Variants in IQGAP2 observed in about 807,000 individuals in gnomAD.
IQGAP2 encodes ras GTPase-activating-like protein IQGAP2.
Under a neutral mutation model 201.3 loss-of-function variants are expected in IQGAP2, and 173 were observed. That is an observed-to-expected ratio of 0.86 (90% CI 0.76 to 0.98). IQGAP2 has a LOEUF of 0.98. Ranked by LOEUF, IQGAP2 falls within the 50% of genes least tolerant of loss-of-function variation. The pLI is 0.00. For synonymous variants in IQGAP2, 675 were observed against 673.9 expected, an observed-to-expected ratio of 1.00 and a Z score of -0.03; for missense variants, 1,687 against 1,864.8, an observed-to-expected ratio of 0.90 and a Z score of 1.76.
At chr5:76,657,022 C>A (rs1372060962) in intron 20 of IQGAP2, among the ~76,000 whole-genome samples, 5 of 152,098 alleles carry the variant, frequency 3.3e-5, no homozygotes, top group African/African-American at 1.2e-4. Context: ...TAGGAGCAGA[C>A]TATAAAGTGG....
intron 1 of IQGAP2, among the ~76,000 whole-genome samples, chr5:76,408,756 G>A (rs1361551789): frequency 6.6e-6 from 1 of 151,970 alleles, no homozygotes; most frequent in Non-Finnish European, 1.5e-5. Flanking sequence ...AGTAAGATCT[G>A]CCTGCCCCCC....
intron 27 of IQGAP2, among the ~76,000 whole-genome samples, chr5:76,675,733 A>G (rs921554299): frequency 6.6e-6 from 1 of 152,186 alleles, no homozygotes; most frequent in Non-Finnish European, 1.5e-5. Flanking sequence ...TGAGTGACTT[A>G]CTAGAAAACA....
intron 2 of IQGAP2, among the ~76,000 whole-genome samples, chr5:76,520,244 G>A (rs1241312691): frequency 1.3e-5 from 2 of 152,038 alleles, no homozygotes; most frequent in African/African-American, 2.4e-5. Flanking sequence ...TTTTTTGCCT[G>A]TGGATTTTTA....
rs995544188 is a variant in IQGAP2, at chr5:76,428,132, T to A, written c.46+24541T>A. Among the ~76,000 whole-genome samples, 8 of 152,246 alleles carry A rather than the reference T, an allele frequency of 5.3e-5. No homozygotes were observed. In the South Asian group the frequency reaches 1.5e-3, roughly 28 times the overall value. On this transcript the variant is annotated intron_variant, in intron 1 of 35. Coordinates refer to ENST00000274364, the MANE Select transcript of IQGAP2 (RefSeq NM_006633.5). ...CTATTTGGTGGCTCCCTGGGTGTGG[T>A]TTGAGCAGAGACTCACAGAGGAGCG... is the stretch of plus-strand genomic sequence containing the variant.
At chr5:76,666,589 G>T (rs1190636933) in intron 22 of IQGAP2, among the ~76,000 whole-genome samples, 3 of 152,090 alleles carry the variant, frequency 2.0e-5, no homozygotes, top group Non-Finnish European at 4.4e-5. Flanking sequence ...ACAACCAAAG[G>T]GTGCAACCAT....
At chr5:76,412,391 C>T (rs763357609) in intron 1 of IQGAP2, among the ~76,000 whole-genome samples, 6 of 152,102 alleles carry the variant, frequency 3.9e-5, no homozygotes, top group Non-Finnish European at 5.9e-5. Flanking sequence ...GACTTGAACT[C>T]TTGGGCCCAA....
intron 2 of IQGAP2, among the ~76,000 whole-genome samples, chr5:76,554,235 TAAAAG>T (rs1460916385): frequency 5.9e-5 from 9 of 151,968 alleles, no homozygotes; most frequent in South Asian, 2.1e-4. Context: ...AACTATGAGA[TAAAAG>T]AGAAGAAAAC....
chr5:76,527,818 C>T (rs182400794), intron 2 of IQGAP2, among the ~76,000 whole-genome samples: 75 of 152,196 alleles, frequency 4.9e-4, no homozygotes, highest in African/African-American at 1.6e-3. Flanking sequence ...AGTTATTTAC[C>T]CCTTTCTTCC....
chr5:76,682,686 T>C lies in IQGAP2; in HGVS notation c.3661-429T>C, dbSNP rs567301032. On this transcript the variant is annotated intron_variant, in intron 28 of 35. Transcript: ENST00000274364. ...TCAATGCAAGACAGATTGAAACAGC[T>C]CATAGTAGTGATTAAGAAGAAGATA... 2.6e-5 allele frequency among the ~76,000 whole-genome samples: 4 copies of C among 152,274 alleles called. No homozygotes were observed. The East Asian group carries it at 5.8e-4, about 22-fold the overall frequency.
At chr5:76,405,294 G>A (rs867545281) in intron 1 of IQGAP2, among the ~76,000 whole-genome samples, 8 of 152,224 alleles carry the variant, frequency 5.3e-5, no homozygotes, top group Non-Finnish European at 1.0e-4. Flanking sequence ...AGGGAGTCCA[G>A]ATCTGGCAAG....
At chr5:76,566,506 G>A (rs1744760098) in intron 3 of IQGAP2, among the ~76,000 whole-genome samples, 2 of 152,170 alleles carry the variant, frequency 1.3e-5, no homozygotes, top group South Asian at 2.1e-4. Flanking sequence ...GAAGAGCAGA[G>A]ATGAGATTGC....
At chr5:76,545,006 A>G (rs935950014) in intron 2 of IQGAP2, among the ~76,000 whole-genome samples, 16 of 151,970 alleles carry the variant, frequency 1.1e-4, no homozygotes, top group African/African-American at 3.6e-4. Context: ...ATACATATGT[A>G]GTTGTATACA....
chr5:76,655,369 G>C (rs1474789926), intron 20 of IQGAP2, among the ~76,000 whole-genome samples: 1 of 152,072 alleles, frequency 6.6e-6, no homozygotes, highest in Admixed American at 6.6e-5. Flanking sequence ...GTTAGACATA[G>C]TCTCATCTCC....
intron 13 of IQGAP2, among the ~76,000 whole-genome samples, chr5:76,613,459 T>C (rs77272459): frequency 0.022 from 3,301 of 152,288 alleles, 82 homozygotes; most frequent in East Asian, 0.098. Context: ...AAAATTGGAA[T>C]AATAGTACCT....
chr5:76,473,118 T>C (rs1044107598), intron 2 of IQGAP2, among the ~76,000 whole-genome samples: 9 of 152,266 alleles, frequency 5.9e-5, no homozygotes, highest in Admixed American at 1.3e-4. Context: ...CTTCAAAGAC[T>C]GTGCTTAAAA....
Position 76,512,410 on chromosome 5 carries a change from G to A in IQGAP2, c.147-49986G>A, listed in dbSNP as rs373461539. Among the ~76,000 whole-genome samples the A allele has an allele frequency of 7.9e-5, 12 of 152,302 alleles. No individual in the cohort carries two copies. The East Asian group carries it at 1.7e-3, about 22-fold the overall frequency. ...ATCCTTCTCTGCACCAAGTTTACAC[G>A]TGCTAACCTTTCTGCTTTAGTAGCT... On this transcript the variant is annotated intron_variant, in intron 2 of 35. Transcript: ENST00000274364.
At chr5:76,635,575 G>A (rs1163155021) in intron 15 of IQGAP2, among the ~76,000 whole-genome samples, 1 of 152,150 alleles carries the variant, frequency 6.6e-6, no homozygotes, top group Non-Finnish European at 1.5e-5. Flanking sequence ...GGTTGTGGTG[G>A]TTCATGCCTA....
chr5:76,556,633 A>G (rs1419913001), intron 2 of IQGAP2, among the ~76,000 whole-genome samples: 1 of 152,216 alleles, frequency 6.6e-6, no homozygotes, highest in Non-Finnish European at 1.5e-5. Flanking sequence ...TAGAAGTTTC[A>G]TATCATGGCT....
At chr5:76,420,044 C>G (rs1751643812) in intron 1 of IQGAP2, among the ~76,000 whole-genome samples, 1 of 152,174 alleles carries the variant, frequency 6.6e-6, no homozygotes, top group South Asian at 2.1e-4. Flanking sequence ...GAAGAGTGGT[C>G]TCACCTCCCT....
Sources: allele counts gnomAD v4.1 joint callset (sites outside exome capture counted in the v4.1 genomes callset), GRCh38; gene constraint gnomAD v4.1.1; transcripts MANE v1.5; gene names NCBI Gene and HGNC (gene_info 2026-07-23, HGNC 2026-07-21).